EPM2A: variants seen among roughly 807,000 people sequenced by gnomAD.
The protein encoded by EPM2A is laforin.
In EPM2A, 21 loss-of-function variants were observed where a neutral mutation model predicts 26.5. The ratio of observed to expected loss-of-function variants is 0.79; its 90% confidence interval spans 0.56 to 1.14. The LOEUF (loss-of-function observed/expected upper bound fraction) is 1.14. Among genes scored for constraint, EPM2A ranks in the 50% most tolerant of loss-of-function variants. The pLI, the probability that EPM2A is intolerant of heterozygous loss-of-function variation, is 0.00. For missense variants in EPM2A, 458 were observed against 440.8 expected (o/e 1.04, Z -0.35); for synonymous variants, 217 against 177.6 (o/e 1.22, Z -1.76).
At chr6:145,465,148 A>G (rs1779372250) in intron 4 of EPM2A, among the ~76,000 whole-genome samples, 1 of 151,764 alleles carries the variant, frequency 6.6e-6, no homozygotes, top group Admixed American at 6.6e-5. Flanking sequence ...ACATAGTCCC[A>G]TATTTCTTGG....
chr6:145,432,247 GGC>G (rs1778931711), intron 4 of EPM2A, among the ~76,000 whole-genome samples: 1 of 152,094 alleles, frequency 6.6e-6, no homozygotes, highest in African/African-American at 2.4e-5. Flanking sequence ...TGTTCTTAAT[GGC>G]ATCTAGAATG....
chr6:145,732,114 G>A (rs958028222), intron 1 of EPM2A, among the ~76,000 whole-genome samples: 1 of 151,906 alleles, frequency 6.6e-6, no homozygotes, highest in Non-Finnish European at 1.5e-5. Context: ...AGGTTTTTAA[G>A]AAAGAGGAAG....
rs528929545 is a variant in EPM2A, at chr6:145,391,561, G to C, written c.556-7464C>G. On this transcript the variant is annotated intron_variant, in intron 4 of 4. Coordinates refer to the EPM2A transcript ENST00000638717. ...AATATTCATGCTCCTCCTGTAATCT[G>C]TTAAATATGGGTACTCAGCCAACCC... 4.6e-5 allele frequency among the ~76,000 whole-genome samples: 7 copies of C among 152,252 alleles called. No individual in the cohort carries two copies. The South Asian group carries it at 1.5e-3, about 32-fold the overall frequency.
intron 4 of EPM2A, among the ~76,000 whole-genome samples, chr6:145,437,278 T>C (rs946173390): frequency 1.3e-5 from 2 of 150,560 alleles, no homozygotes; most frequent in African/African-American, 4.9e-5. Context: ...CCTTCTCCCA[T>C]GATTGTAAGT....
intron 1 of EPM2A, among the ~76,000 whole-genome samples, chr6:145,694,294 A>T (rs2128620602): frequency 6.6e-6 from 1 of 152,118 alleles, no homozygotes; most frequent in South Asian, 2.1e-4. Context: ...CTACCTCGGA[A>T]GCTATTATTG....
At chr6:145,602,285 C>A (rs912702065) in intron 2 of EPM2A, among the ~76,000 whole-genome samples, 1 of 152,072 alleles carries the variant, frequency 6.6e-6, no homozygotes, top group African/African-American at 2.4e-5. Context: ...CCCATCAATA[C>A]AAGAAAAATA....
At chr6:145,687,788 A>G (rs1308626517) in intron 1 of EPM2A, among the ~76,000 whole-genome samples, 3 of 152,176 alleles carry the variant, frequency 2.0e-5, no homozygotes, top group Admixed American at 6.5e-5. Flanking sequence ...GACTCTCTTA[A>G]TAAACCATTA....
chr6:145,576,165 C>T (rs945648430), intron 2 of EPM2A, among the ~76,000 whole-genome samples: 4 of 152,184 alleles, frequency 2.6e-5, no homozygotes, highest in African/African-American at 9.7e-5. Flanking sequence ...TACCACCCCA[C>T]AATTCCTGCC....
downstream of EPM2A, among the ~76,000 whole-genome samples, chr6:145,499,412 G>T (rs1350860099): frequency 1.3e-5 from 2 of 152,050 alleles, no homozygotes; most frequent in African/African-American, 4.8e-5. Flanking sequence ...AATCCTCCTT[G>T]TACTTCTACA....
chr6:145,448,488 C>T (rs1466928051), intron 4 of EPM2A, among the ~76,000 whole-genome samples: 1 of 152,068 alleles, frequency 6.6e-6, no homozygotes, highest in Admixed American at 6.6e-5. Context: ...TTTTAAGCTT[C>T]CTTACCTACA....
chr6:145,469,668 T>C (rs1779447971), intron 4 of EPM2A, among the ~76,000 whole-genome samples: 1 of 152,110 alleles, frequency 6.6e-6, no homozygotes, highest in African/African-American at 2.4e-5. Flanking sequence ...CCCACTCCTA[T>C]GTATATACCC....
intron 2 of EPM2A, among the ~76,000 whole-genome samples, chr6:145,524,141 T>C (rs1780239417): frequency 6.6e-6 from 1 of 152,242 alleles, no homozygotes. Context: ...TGTGGCTGCA[T>C]AGTATTCCAC....
chr6:145,732,119 A>G (rs1351302277), intron 1 of EPM2A, among the ~76,000 whole-genome samples: 2 of 152,106 alleles, frequency 1.3e-5, no homozygotes, highest in African/African-American at 4.8e-5. Context: ...TTTAAGAAAG[A>G]GGAAGATATA....
intron 2 of EPM2A, among the ~76,000 whole-genome samples, chr6:145,571,577 T>G (rs1392416068): frequency 6.6e-6 from 1 of 152,222 alleles, no homozygotes; most frequent in Non-Finnish European, 1.5e-5. Flanking sequence ...CTTTCCATTA[T>G]GGAAGAGGTC....
intron 2 of EPM2A, among the ~76,000 whole-genome samples, chr6:145,564,777 G>T (rs992470553): frequency 2.6e-5 from 4 of 151,796 alleles, no homozygotes; most frequent in Non-Finnish European, 4.4e-5. Context: ...ATATGGTGGG[G>T]GGGGGCAGGG....
chr6:145,704,910 G>A (rs1234913293), intron 1 of EPM2A, among the ~76,000 whole-genome samples: 1 of 152,050 alleles, frequency 6.6e-6, no homozygotes, highest in Non-Finnish European at 1.5e-5. Context: ...TTCCTCAAAT[G>A]TCTTTTAGAA....
intron 2 of EPM2A, among the ~76,000 whole-genome samples, chr6:145,685,450 T>C (rs537023351): frequency 9.9e-4 from 150 of 152,194 alleles, no homozygotes; most frequent in Non-Finnish European, 1.5e-3. Context: ...TTATGTGTAA[T>C]AGAGGGGAAT....
chr6:145,490,178 C>T (rs544481027), intron 4 of EPM2A: 181 of 1,030,010 alleles, frequency 1.8e-4, no homozygotes, highest in Non-Finnish European at 2.4e-4. Context: ...CATTACTAGA[C>T]GCTCTGAAAT....
rs377757616 is a variant in EPM2A at position 145,482,352 on chromosome 6, G to A, written c.555+20170C>T. On this transcript the variant is annotated intron_variant, in intron 4 of 4. Coordinates refer to the EPM2A transcript ENST00000638717. ...TGAAGTAAAAAATGTCTTCTACATAGTGAATATAATGGTCATTGTTAGTGC... is the reference window on the plus strand; with the variant it reads ...TGAAGTAAAAAATGTCTTCTACATAATGAATATAATGGTCATTGTTAGTGC... 2.0e-4 allele frequency among the ~76,000 whole-genome samples: 30 copies of A among 152,226 alleles called. No individual in the cohort carries two copies. The East Asian group carries it at 3.9e-3, about 20-fold the overall frequency.
Sources: gnomAD v4.1 joint callset for allele counts (sites outside exome capture counted in the v4.1 genomes callset) on GRCh38, gnomAD v4.1.1 for gene constraint, MANE v1.5 for transcripts, NCBI Gene and HGNC (gene_info 2026-07-23, HGNC 2026-07-21) for gene names.